The following LARGE1 variants were observed in gnomAD, a reference collection of about 807,000 sequenced individuals.
LARGE1 encodes LARGE xylosyl- and glucuronyltransferase 1.
In LARGE1, 43 loss-of-function variants were observed where a neutral mutation model predicts 87.6. That is an observed-to-expected ratio of 0.49 (90% CI 0.38 to 0.63). The LOEUF (loss-of-function observed/expected upper bound fraction) is 0.63. Among genes scored for constraint, LARGE1 ranks in the 30% least tolerant of loss-of-function variants. The pLI is 0.00. For synonymous variants in LARGE1, 434 were observed against 394.6 expected, an observed-to-expected ratio of 1.10 and a Z score of -1.18; for missense variants, 802 against 1,000.2, an observed-to-expected ratio of 0.80 and a Z score of 2.67.
intron 6 of LARGE1, among the ~76,000 whole-genome samples, chr22:33,564,555 G>A (rs2077964761): frequency 6.6e-6 from 1 of 152,028 alleles, no homozygotes; most frequent in Non-Finnish European, 1.5e-5. Flanking sequence ...ATGAACACAC[G>A]TCCCGACCAG....
At chr22:33,103,429 T>C in the LARGE1 span, among the ~76,000 whole-genome samples, 3 of 55,598 alleles carry the variant, frequency 5.4e-5, 1 homozygote, top group Admixed American at 9.0e-4. Context: ...TGAGACTCTG[T>C]CTCAAAAAAA....
chr22:33,304,390 A>T lies in LARGE1; in HGVS notation c.1569T>A (p.Leu523=). The T allele has an allele frequency of 6.2e-7, 1 of 1,614,226 alleles. No individual in the cohort carries two copies. ...GGTAGCCCACGTTGTGGCGGCTCATAAGCACCTCAGAGCCCTGTGCGTAGC... is the reference window on the plus strand; with the variant it reads ...GGTAGCCCACGTTGTGGCGGCTCATTAGCACCTCAGAGCCCTGTGCGTAGC... ...FLRYAQGSEV[L]MSRHNVGYHI... The change falls in exon 12 of 15, where the codon CTT becomes CTA. Residue 523 remains leucine (L), a synonymous_variant. Transcript: ENST00000397394.
intron 6 of LARGE1, among the ~76,000 whole-genome samples, chr22:33,479,870 G>T (rs990678171): frequency 6.6e-6 from 1 of 151,502 alleles, no homozygotes; most frequent in Non-Finnish European, 1.5e-5. Flanking sequence ...TCAGTCTCTC[G>T]AGTATCTGGG....
chr22:33,117,091 T>C, the LARGE1 span, among the ~76,000 whole-genome samples: 4 of 152,244 alleles, frequency 2.6e-5, no homozygotes, highest in East Asian at 3.8e-4. Flanking sequence ...TCATGTCTAC[T>C]GAAGTTCGCA....
chr22:33,162,762 C>G (rs1922075712), exon 12 of LARGE1: 1 of 152,158 alleles, frequency 6.6e-6, no homozygotes, highest in African/African-American at 2.4e-5. Context: ...GGTTGCACAG[C>G]TCTAACAATT....
intron 2 of LARGE1, among the ~76,000 whole-genome samples, chr22:33,680,662 C>T (rs950154114): frequency 6.6e-6 from 1 of 152,086 alleles, no homozygotes; most frequent in Non-Finnish European, 1.5e-5. Flanking sequence ...GTGAAGGCCG[C>T]CCATGAGTGT....
At chr22:33,208,198 A>G (rs1924779636) in intron 11 of LARGE1, among the ~76,000 whole-genome samples, 1 of 150,164 alleles carries the variant, frequency 6.7e-6, no homozygotes, top group Non-Finnish European at 1.5e-5. Context: ...AAAAGAGAGG[A>G]ATTAGGGTGA....
chr22:33,241,622 AT>A (rs1926524962), intron 11 of LARGE1, among the ~76,000 whole-genome samples: 1 of 151,820 alleles, frequency 6.6e-6, no homozygotes, highest in African/African-American at 2.4e-5. Flanking sequence ...ATCTATGTAC[AT>A]ATATGTATAT....
intron 1 of LARGE1, among the ~76,000 whole-genome samples, chr22:33,901,356 G>A (rs934787340): frequency 9.9e-5 from 15 of 152,136 alleles, no homozygotes; most frequent in African/African-American, 3.1e-4. Context: ...ACATTGTTAC[G>A]GCTGCCATAG....
rs1277510757 is a variant in LARGE1 at position 33,693,299 on chromosome 22, T to C, written c.107-42631A>G. Among the ~76,000 whole-genome samples, 6 of 151,780 alleles carry C rather than the reference T, an allele frequency of 4.0e-5. No individual in the cohort carries two copies. The East Asian group carries it at 1.2e-3, about 29-fold the overall frequency. ...AAAAAACTACCCGCTGGGTACAATGTACACTACTTGGGTGACAGGTCCACT... is the reference window on the plus strand; with the variant it reads ...AAAAAACTACCCGCTGGGTACAATGCACACTACTTGGGTGACAGGTCCACT... On this transcript the variant is annotated intron_variant, in intron 2 of 14. Transcript: ENST00000397394.
chr22:33,705,703 C>A (rs923684506), intron 2 of LARGE1, among the ~76,000 whole-genome samples: 1 of 152,220 alleles, frequency 6.6e-6, no homozygotes, highest in Admixed American at 6.5e-5. Context: ...AGTTATCCCA[C>A]ACTATTTCCA....
chr22:33,264,025 GAACT>G (rs1568995304), intron 11 of LARGE1, among the ~76,000 whole-genome samples: 1 of 152,192 alleles, frequency 6.6e-6, no homozygotes, highest in Non-Finnish European at 1.5e-5. Context: ...ACTTACCATA[GAACT>G]TACTAAATGT....
intron 6 of LARGE1, among the ~76,000 whole-genome samples, chr22:33,524,108 C>T (rs545423482): frequency 1.5e-3 from 224 of 151,956 alleles, no homozygotes; most frequent in African/African-American, 4.9e-3. Context: ...CTGACTGACA[C>T]GGTGAAACCC....
chr22:33,263,852 A>C (rs1450371012), intron 11 of LARGE1, among the ~76,000 whole-genome samples: 1 of 152,248 alleles, frequency 6.6e-6, no homozygotes, highest in Admixed American at 6.5e-5. Flanking sequence ...TCAGGGATGC[A>C]GAAGAGCACA....
At chr22:33,500,578 G>A (rs1197441398) in intron 6 of LARGE1, among the ~76,000 whole-genome samples, 1 of 152,204 alleles carries the variant, frequency 6.6e-6, no homozygotes, top group African/African-American at 2.4e-5. Context: ...TAAGGGCACA[G>A]TGGAGCATCC....
chr22:33,812,056 T>C (rs1293388005), intron 1 of LARGE1, among the ~76,000 whole-genome samples: 2 of 152,142 alleles, frequency 1.3e-5, no homozygotes, highest in African/African-American at 4.8e-5. Context: ...TATATAACAA[T>C]GCATTAAAAG....
At chr22:33,522,090 G>T (rs933478344) in intron 6 of LARGE1, among the ~76,000 whole-genome samples, 10 of 152,268 alleles carry the variant, frequency 6.6e-5, no homozygotes, top group African/African-American at 2.2e-4. Flanking sequence ...CATTCATGAG[G>T]GATCCGCTCC....
In LARGE1 at chr22:33,328,503, C is replaced by T. The variant is rs534642783; in HGVS notation, c.1287+9143G>A. On this transcript the variant is annotated intron_variant, in intron 10 of 14. Transcript: ENST00000397394. Reference sequence around the variant, plus strand: ...GCTGAGGCAGAGAATTGCTTGAACCCGGGAGGCGGAGGTTGCAGTGAGCCG... The same window carrying T: ...GCTGAGGCAGAGAATTGCTTGAACCTGGGAGGCGGAGGTTGCAGTGAGCCG... Among the ~76,000 whole-genome samples, 6 of 151,906 alleles carry T rather than the reference C, an allele frequency of 3.9e-5. No homozygotes were observed. In the East Asian group the frequency reaches 5.8e-4, roughly 15 times the overall value.
intron 7 of LARGE1, among the ~76,000 whole-genome samples, chr22:33,398,910 G>A (rs1214112391): frequency 6.6e-6 from 1 of 152,194 alleles, no homozygotes; most frequent in African/African-American, 2.4e-5. Context: ...TTCGGAAAGA[G>A]CGTGGTTTGG....
Sources: gnomAD v4.1 joint callset for allele counts (sites outside exome capture counted in the v4.1 genomes callset) on GRCh38, gnomAD v4.1.1 for gene constraint, MANE v1.5 for transcripts, NCBI Gene and HGNC (gene_info 2026-07-23, HGNC 2026-07-21) for gene names.